Variants in TNRC6B observed in about 807,000 individuals in gnomAD.
TNRC6B encodes the protein trinucleotide repeat containing adaptor 6B.
Under a neutral mutation model 203.6 loss-of-function variants are expected in TNRC6B, and 52 were observed. The observed-to-expected ratio is 0.26, with a 90% CI of 0.20 to 0.32. The LOEUF is 0.32. Among genes scored for constraint, TNRC6B ranks in the 10% least tolerant of loss-of-function variants. The pLI, the probability that TNRC6B is intolerant of heterozygous loss-of-function variation, is 1.00. For missense variants in TNRC6B, 1,923 were observed against 2,286.2 expected (o/e 0.84, Z 3.24); for synonymous variants, 838 against 845.7 (o/e 0.99, Z 0.16).
At position 40,285,657 on chromosome 22, in the gene TNRC6B, G is replaced by T. The variant is rs745326157; in HGVS notation, c.3595G>T (p.Gly1199Cys). The T allele has an allele frequency of 1.4e-5, 22 of 1,612,566 alleles. No individual in the cohort carries two copies. The highest frequency in any genetic ancestry group is 1.7e-6 in the Non-Finnish European group (2 of 1,179,670). ...NFAARQGGSH[G>C]LFGNSTAQSR... ...TTTCTGTTTACAGGGCGGTAGTCAT[G>T]GTTTGTTTGGAAACAGCACAGCACA... is the stretch of plus-strand genomic sequence containing the variant. The change falls in exon 12 of 23, where the codon GGT (glycine) becomes TGT (cysteine). Residue 1199 changes from glycine (G) to cysteine (C), a missense_variant. Gly to Cys is a radical substitution (Grantham distance 159). Around this residue, in one of 8 missense-constraint regions of TNRC6B, gnomAD observed 242 missense variants for 399.5 expected, o/e 0.61. Coordinates refer to ENST00000454349, the MANE Select transcript of TNRC6B (RefSeq NM_001162501.2).
At chr22:40,136,371 TTGTGTGTG>T (rs56246561) in intron 3 of TNRC6B, among the ~76,000 whole-genome samples, 254 of 141,164 alleles carry the variant, frequency 1.8e-3, no homozygotes, top group African/African-American at 4.8e-3. Context: ...TATGTTTATC[TTGTGTGTG>T]TGTGTGTGTG....
intron 15 of TNRC6B, among the ~76,000 whole-genome samples, chr22:40,302,090 A>G (rs1241098410): frequency 6.6e-6 from 1 of 152,242 alleles, no homozygotes; most frequent in Non-Finnish European, 1.5e-5. Context: ...TTAGTATTTC[A>G]TCTGATTTAA....
chr22:40,183,903 G>A (rs1286353324), intron 1 of TNRC6B, among the ~76,000 whole-genome samples: 1 of 152,082 alleles, frequency 6.6e-6, no homozygotes, highest in African/African-American at 2.4e-5. Context: ...CGGCATGTTG[G>A]CCAGGCTGAT....
chr22:40,069,228 A>C (rs777945811), intron 1 of TNRC6B, among the ~76,000 whole-genome samples: 8 of 151,964 alleles, frequency 5.3e-5, no homozygotes, highest in Middle Eastern at 3.2e-3. Context: ...CAGCCTCCTG[A>C]GTAGTTGGGA....
rs1180212519 is a variant in TNRC6B, at chr22:40,163,456, CAAAAAAAAAAA to C, written c.113+7288_113+7298del. On this transcript the variant is annotated intron_variant, in intron 4 of 23. Transcript: ENST00000301923. ...TAGATGACAGAATGAGACCCTGTCT[CAAAAAAAAAAA>C]AAAAAAAAAAAAAGGCCAGGCACGG... Among the ~76,000 whole-genome samples, 4 of 6,996 alleles carry C rather than the reference CAAAAAAAAAAA, an allele frequency of 5.7e-4. 1 individual carries two copies. Among genetic ancestry groups the C allele is most frequent in the Non-Finnish European group, 8.3e-4 (4 of 4,842 alleles). 4.6% of individuals were successfully genotyped at this position (6,996 alleles called of 152,430 possible). A position where few individuals can be genotyped will look rare whatever the true frequency, so the allele number is the denominator to read the frequency against.
intron 3 of TNRC6B, among the ~76,000 whole-genome samples, chr22:40,138,865 G>C (rs1030638256): frequency 3.9e-5 from 6 of 152,114 alleles, no homozygotes; most frequent in Non-Finnish European, 5.9e-5. Context: ...CTAAAAAAAA[G>C]TAAAAATAAA....
At chr22:40,248,245 C>T (rs764512467) in intron 2 of TNRC6B, among the ~76,000 whole-genome samples, 24 of 152,176 alleles carry the variant, frequency 1.6e-4, no homozygotes, top group South Asian at 6.2e-4. Flanking sequence ...CGCCGTGCCT[C>T]GCACACATTG....
chr22:40,302,959 A>G (rs981606701), intron 15 of TNRC6B, among the ~76,000 whole-genome samples: 2 of 151,872 alleles, frequency 1.3e-5, no homozygotes, highest in African/African-American at 2.4e-5. Context: ...GCAAAACACC[A>G]GGGTACCAAA....
At chr22:40,310,699 G>A (rs2071165182) in intron 16 of TNRC6B, 118 bp from the exon 17 acceptor site, 2 of 1,014,732 alleles carry the variant, frequency 2.0e-6, no homozygotes, top group African/African-American at 3.3e-5. Context: ...TTATTCCAGT[G>A]CTGTTTGTAT....
At chr22:40,273,981 A>C (rs1226411048) in intron 7 of TNRC6B, among the ~76,000 whole-genome samples, 1 of 152,168 alleles carries the variant, frequency 6.6e-6, no homozygotes, top group Non-Finnish European at 1.5e-5. Flanking sequence ...GGTGTGAGGC[A>C]ACTGGGGTCC....
rs796066547 is a variant in TNRC6B, at chr22:40,330,606, G to A, written c.*7365G>A. 9.2e-5 allele frequency: 14 copies of A among 152,756 alleles called. No individual in the cohort carries two copies. The highest frequency in any genetic ancestry group is 3.4e-4 in the African/African-American group (14 of 41,560). The allele number at this position is 152,756 out of a possible 1,614,324, so 9.5% of individuals were successfully genotyped here. ...CTCACCAAGTGATGCATTTTAGCATGACACTTCTTGCCAGAAATTTTGGGA... is the reference window on the plus strand; with the variant it reads ...CTCACCAAGTGATGCATTTTAGCATAACACTTCTTGCCAGAAATTTTGGGA... On this transcript the variant is annotated 3_prime_UTR_variant, in exon 23 of 23. Transcript: ENST00000454349.
At chr22:40,280,202 G>T in intron 10 of TNRC6B, 59 bp downstream of exon 10, 1 of 1,531,600 alleles carries the variant, frequency 6.5e-7, no homozygotes, top group Non-Finnish European at 8.9e-7. Context: ...GTTCCCATTT[G>T]TCTTTTGATA....
intron 3 of TNRC6B, among the ~76,000 whole-genome samples, chr22:40,147,215 G>A (rs1482981026): frequency 6.9e-6 from 1 of 145,294 alleles, no homozygotes. Flanking sequence ...AATACCGTAT[G>A]ATTCTACTTA....
chr22:40,253,303 G>T (rs996835486), intron 3 of TNRC6B, among the ~76,000 whole-genome samples: 2 of 150,848 alleles, frequency 1.3e-5, no homozygotes, highest in African/African-American at 4.9e-5. Context: ...TGTTAGCCAG[G>T]ATGGTCTTGG....
At chr22:40,052,633 G>C (rs1194277625) in intron 1 of TNRC6B, among the ~76,000 whole-genome samples, 4 of 151,768 alleles carry the variant, frequency 2.6e-5, no homozygotes, top group Admixed American at 1.3e-4. Context: ...ATGTTTTGTA[G>C]AGATGAGGTC....
At chr22:40,132,943 C>CAAAAATA (rs1292227314) in intron 3 of TNRC6B, among the ~76,000 whole-genome samples, 1 of 23,878 alleles carries the variant, frequency 4.2e-5, no homozygotes, top group Non-Finnish European at 6.3e-5. Context: ...GACTCTGTCT[C>CAAAAATA]AAAAAAAAAA....
In TNRC6B at chr22:40,137,857, G is replaced by A. The variant is rs185106327; in HGVS notation, c.45+11995G>A. 3.5e-3 allele frequency among the ~76,000 whole-genome samples: 529 copies of A among 151,958 alleles called. 1 individual carries two copies. The highest frequency in any genetic ancestry group is 5.2e-3 in the Non-Finnish European group (356 of 67,978). ...AAATTAGCCGGGCATGGTGGCAGGC[G>A]CCTGTAATCCTAGCTACTTGGGAGG... On this transcript the variant is annotated intron_variant, in intron 3 of 23. Transcript: ENST00000301923.
chr22:40,158,978 T>A (rs1038136548), intron 4 of TNRC6B, among the ~76,000 whole-genome samples: 3 of 152,100 alleles, frequency 2.0e-5, no homozygotes, highest in African/African-American at 7.2e-5. Flanking sequence ...TTTTTTTGCG[T>A]GTGTGACAGA....
chr22:40,099,924 TG>T (rs2068219904), intron 1 of TNRC6B, among the ~76,000 whole-genome samples: 1 of 152,066 alleles, frequency 6.6e-6, no homozygotes, highest in African/African-American at 2.4e-5. Context: ...CTAATTTTTT[TG>T]TATTTTTAGC....
Sources: allele counts gnomAD v4.1 joint callset (sites outside exome capture counted in the v4.1 genomes callset), GRCh38; gene constraint gnomAD v4.1.1; regional missense constraint gnomAD v4.1.1; transcripts MANE v1.5; gene names NCBI Gene and HGNC (gene_info 2026-07-23, HGNC 2026-07-21).